CSE1L: variants seen among roughly 807,000 people sequenced by gnomAD.
CSE1L encodes the protein chromosome segregation 1 like, also known as exportin-2.
CSE1L carries 24 observed loss-of-function variants against 120.4 expected under a neutral mutation model. The ratio of observed to expected loss-of-function variants is 0.20; its 90% CI spans 0.14 to 0.28. CSE1L has a LOEUF of 0.28. CSE1L is among the 10% of genes least tolerant of loss of function. The probability of loss-of-function intolerance (pLI) is 1.00; values close to 1 mark genes in which losing one functional copy is unlikely to be tolerated. For synonymous variants in CSE1L, 402 were observed against 398.3 expected (o/e 1.01, Z -0.11); for missense variants, 830 against 1,145.2 (o/e 0.72, Z 3.97).
chr20:49,083,675 A>G (rs546315934), intron 14 of CSE1L, among the ~76,000 whole-genome samples: 3 of 152,336 alleles, frequency 2.0e-5, no homozygotes, highest in Admixed American at 1.3e-4. Flanking sequence ...AAAAAATGAG[A>G]CACAAAAAGG....
Position 49,049,736 on chromosome 20 carries a change from G to T in CSE1L, c.-12+3313G>T, listed in dbSNP as rs575327364. 3.3e-5 allele frequency among the ~76,000 whole-genome samples: 5 copies of T among 152,262 alleles called. No homozygotes were observed. The East Asian group carries it at 7.7e-4, about 24-fold the overall frequency. ...CTATATCTGCAAGGCGATATAAAAA[G>T]GATTTGTTGACAAATAGTTCCTTAA... is the stretch of plus-strand genomic sequence containing the variant. On this transcript the variant is annotated intron_variant, in intron 1 of 24. Coordinates refer to ENST00000262982, the MANE Select transcript of CSE1L (RefSeq NM_001316.4).
At chr20:49,060,212 A>G (rs1204222497) in intron 2 of CSE1L, among the ~76,000 whole-genome samples, 2 of 148,648 alleles carry the variant, frequency 1.3e-5, no homozygotes, top group Admixed American at 1.3e-4. Flanking sequence ...GGCCAGGTGC[A>G]TTTGCTCACG....
chr20:49,094,063 GTAAC>G lies in CSE1L; in HGVS notation c.2448-72_2448-69del, dbSNP rs143409482. On this transcript the variant is annotated intron_variant, in intron 22 of 24. Coordinates refer to ENST00000262982, the MANE Select transcript of CSE1L (RefSeq NM_001316.4). Reference sequence around the variant, plus strand: ...TAGTAATTTATCATATTCATAAGAAGTAACTAACATCTAAGCATTTTACTATTTC... The same window carrying G: ...TAGTAATTTATCATATTCATAAGAAGTAACATCTAAGCATTTTACTATTTC... 5.9e-3 allele frequency: 5,171 copies of G among 873,192 alleles called. 24 individuals carry two copies. The highest frequency in any genetic ancestry group is 0.011 in the Middle Eastern group (31 of 2,820). 54.1% of individuals were successfully genotyped at this position (873,192 alleles called of 1,614,324 possible). A position where few individuals can be genotyped will look rare whatever the true frequency, so the allele number is the denominator to read the frequency against.
At chr20:49,089,226 G>GT (rs3092348) in intron 17 of CSE1L, 21 bp from the exon 18 acceptor site, 46,192 of 1,214,550 alleles carry the variant, frequency 0.038, 19 homozygotes, top group South Asian at 0.069. Context: ...GCATAATTAG[G>GT]TTTTTTTTTT....
intron 6 of CSE1L, among the ~76,000 whole-genome samples, chr20:49,067,959 G>A (rs1295722924): frequency 1.1e-5 from 1 of 95,024 alleles, no homozygotes; most frequent in Non-Finnish European, 2.0e-5. Flanking sequence ...TTTTTGAGAT[G>A]GAGTTTCGCT....
intron 5 of CSE1L, 77 bp downstream of exon 5, chr20:49,066,587 G>A (rs897553115): frequency 7.7e-7 from 1 of 1,303,356 alleles, no homozygotes; most frequent in Non-Finnish European, 1.1e-6. Context: ...GTGTTTTTGT[G>A]ACTGTTGTCA....
At chr20:49,078,963 C>G (rs183972850) in intron 14 of CSE1L, among the ~76,000 whole-genome samples, 1 of 151,522 alleles carries the variant, frequency 6.6e-6, no homozygotes, top group Non-Finnish European at 1.5e-5. Context: ...ACCATCTTGG[C>G]TCACTGCAAC....
intron 14 of CSE1L, 94 bp from the exon 15 acceptor site, chr20:49,083,932 G>C (rs1399152678): frequency 7.6e-7 from 1 of 1,320,214 alleles, no homozygotes; most frequent in African/African-American, 1.5e-5. Context: ...ATAGCAAATT[G>C]TTCTTTAAAT....
At chr20:49,049,150 C>T (rs1322026316) in intron 1 of CSE1L, among the ~76,000 whole-genome samples, 1 of 151,938 alleles carries the variant, frequency 6.6e-6, no homozygotes, top group East Asian at 1.9e-4. Flanking sequence ...TAGAGATTTC[C>T]AAAGATAGTT....
Position 49,049,936 on chromosome 20 carries a change from A to T in CSE1L, c.-12+3513A>T, listed in dbSNP as rs137910800. ...CAGCTACTTGGGAGGTTGAAGTAGG[A>T]GGATGGCTTGAGCCCAGGAGGCAGA... On this transcript the variant is annotated intron_variant, in intron 1 of 24. Coordinates refer to ENST00000262982, the MANE Select transcript of CSE1L (RefSeq NM_001316.4). 3.3e-5 allele frequency among the ~76,000 whole-genome samples: 5 copies of T among 152,270 alleles called. No individual in the cohort carries two copies. In the East Asian group the frequency reaches 9.6e-4, roughly 29 times the overall value.
intron 1 of CSE1L, among the ~76,000 whole-genome samples, chr20:49,046,733 A>G (rs1056969249): frequency 1.2e-4 from 18 of 152,312 alleles, no homozygotes; most frequent in Middle Eastern, 3.4e-3. Flanking sequence ...TTTCCTCTCC[A>G]TCACGGCGCT....
At chr20:49,071,837 G>A (rs1040932679) in intron 8 of CSE1L, among the ~76,000 whole-genome samples, 2 of 151,950 alleles carry the variant, frequency 1.3e-5, no homozygotes, top group African/African-American at 2.4e-5. Flanking sequence ...GCGTGATGGC[G>A]GGTGCCTGTA....
chr20:49,063,943 G>T (rs1024367584), intron 3 of CSE1L, among the ~76,000 whole-genome samples: 1 of 152,126 alleles, frequency 6.6e-6, no homozygotes, highest in African/African-American at 2.4e-5. Context: ...TTTATAACAG[G>T]TTTAATGATT....
chr20:49,094,728 C>T lies in CSE1L; in HGVS notation c.2595-4C>T, dbSNP rs751439097. 12 of 1,597,122 alleles carry T rather than the reference C, an allele frequency of 7.5e-6. No individual in the cohort carries two copies. The African/African-American group carries it at 1.2e-4, about 16-fold the overall frequency. ...TTTTTATCTCTTGCTTTCTTCCAAT[C>T]CAGGACTCCATTATTACAGTCTTTG... On this transcript the variant is annotated splice_region_variant and splice_polypyrimidine_tract_variant and intron_variant, in intron 23 of 24. Transcript: ENST00000262982.
chr20:49,080,734 C>T lies in CSE1L; in HGVS notation c.1482+2112C>T, dbSNP rs550824318. Among the ~76,000 whole-genome samples, 12 of 152,256 alleles carry T rather than the reference C, an allele frequency of 7.9e-5. No homozygotes were observed. In the South Asian group the frequency reaches 2.1e-3, roughly 26 times the overall value. ...CAGGCGATCCGCCTGCCTCGGCCTCCCAAAATGCTAGGATTACAGGCATGA... is the reference window on the plus strand; with the variant it reads ...CAGGCGATCCGCCTGCCTCGGCCTCTCAAAATGCTAGGATTACAGGCATGA... On this transcript the variant is annotated intron_variant, in intron 14 of 24. Transcript: ENST00000262982.
At chr20:49,055,527 C>T (rs1415455069) in intron 1 of CSE1L, among the ~76,000 whole-genome samples, 5 of 151,884 alleles carry the variant, frequency 3.3e-5, no homozygotes, top group South Asian at 2.1e-4. Context: ...GACCAGCCTG[C>T]GCAATATGGT....
rs2091710524 is a variant in CSE1L, at chr20:49,046,409, C to G, written c.-26C>G. On this transcript the variant is annotated 5_prime_UTR_variant, in exon 1 of 25. Coordinates refer to ENST00000262982, the MANE Select transcript of CSE1L (RefSeq NM_001316.4). Reference sequence around the variant, plus strand: ...GCGGCTGGGGTTCCCTCCTCCGTTTCTGTATCCCCACGAGGTGAGGCGCGG... The same window carrying G: ...GCGGCTGGGGTTCCCTCCTCCGTTTGTGTATCCCCACGAGGTGAGGCGCGG... The G allele has an allele frequency of 6.6e-6, 1 of 152,388 alleles. No homozygotes were observed. Among genetic ancestry groups the G allele is most frequent in the South Asian group, 2.1e-4 (1 of 4,844 alleles). 9.4% of individuals were successfully genotyped at this position (152,388 alleles called of 1,614,324 possible).
intron 22 of CSE1L, among the ~76,000 whole-genome samples, chr20:49,093,564 C>CTTTTTTTTTTTTTTTTTTTTT (rs11477256): frequency 8.5e-6 from 1 of 117,584 alleles, no homozygotes; most frequent in Non-Finnish European, 1.7e-5. Flanking sequence ...GCTCCTCTCT[C>CTTTTTTTTTTTTTTTTTTTTT]TTTTTTTTTT....
At chr20:49,060,033 A>C (rs570525239) in intron 2 of CSE1L, among the ~76,000 whole-genome samples, 1 of 152,166 alleles carries the variant, frequency 6.6e-6, no homozygotes, top group African/African-American at 2.4e-5. Flanking sequence ...AAAAATTTAA[A>C]AATTAGCCAA....
Sources: gnomAD v4.1 joint callset for allele counts (sites outside exome capture counted in the v4.1 genomes callset) on GRCh38, gnomAD v4.1.1 for gene constraint, MANE v1.5 for transcripts, NCBI Gene and HGNC (gene_info 2026-07-23, HGNC 2026-07-21) for gene names.